MTCH1: variants seen among roughly 807,000 people sequenced by gnomAD.
The protein encoded by MTCH1 is mitochondrial carrier homolog 1.
Under a neutral mutation model 49.3 loss-of-function variants are expected in MTCH1, and 23 were observed. The observed-to-expected ratio is 0.47, with a 90% CI of 0.34 to 0.66. The LOEUF is 0.66. Among genes scored for constraint, MTCH1 ranks in the 30% least tolerant of loss-of-function variants. The probability of loss-of-function intolerance (pLI) is 0.01; values close to 1 mark genes in which losing one functional copy is unlikely to be tolerated. For missense variants in MTCH1, 397 were observed against 532.1 expected, an observed-to-expected ratio of 0.75 and a Z score of 2.50; for synonymous variants, 229 against 215.2, an observed-to-expected ratio of 1.06 and a Z score of -0.56.
chr6:36,968,259 G>T lies in MTCH1; in HGVS notation c.*644C>A. On this transcript the variant is annotated 3_prime_UTR_variant, in exon 12 of 12. Transcript: ENST00000373627. ...ACCTCTGGGTATTCACAACTGCACA[G>T]GTAACCAGATCCTGTACGCGAGGCA... 5.8e-6 allele frequency: 1 copy of T among 172,906 alleles called. No individual in the cohort carries two copies. Among genetic ancestry groups the T allele is most frequent in the Non-Finnish European group, 1.3e-5 (1 of 79,836 alleles). 10.7% of individuals were successfully genotyped at this position (172,906 alleles called of 1,614,324 possible). A position where few individuals can be genotyped will look rare whatever the true frequency, so the allele number is the denominator to read the frequency against.
In MTCH1 at chr6:36,974,886, A is replaced by ATG. The variant is rs1561906480; in HGVS notation, c.761+771_761+772insCA. ...ACCATGTGTCTACCACGTTTGTGACATACTTATCAGCATGTATGTCACTGC... is the reference window on the plus strand; with the variant it reads ...ACCATGTGTCTACCACGTTTGTGACATGTACTTATCAGCATGTATGTCACTGC... On this transcript the variant is annotated intron_variant, in intron 7 of 11. Transcript: ENST00000373627. Among the ~76,000 whole-genome samples, 20 of 152,344 alleles carry ATG rather than the reference A, an allele frequency of 1.3e-4. No individual in the cohort carries two copies. In the East Asian group the frequency reaches 2.3e-3, roughly 18 times the overall value.
Position 36,978,521 on chromosome 6 carries a change from C to G in MTCH1, c.497G>C (p.Arg166Pro). ...LMSNALSTVT[R>P]GSMKKVFPPD... ...TGGGCTCACCTTCTTCATGCTACCCCGAGTCACAGTAGAGAGGGCGTTGGA... is the reference window on the plus strand; with the variant it reads ...TGGGCTCACCTTCTTCATGCTACCCGGAGTCACAGTAGAGAGGGCGTTGGA... Residue 166 changes from arginine to proline, a missense_variant, in exon 3 of 12, where the codon CGG (arginine) becomes CCG (proline). This residue lies in a region of MTCH1 where 252 missense variants were observed against 388.3 expected (regional missense o/e 0.65). Coordinates refer to ENST00000373627, the MANE Select transcript of MTCH1 (RefSeq NM_001271641.2). 1 of 1,614,092 alleles carries G rather than the reference C, an allele frequency of 6.2e-7. No homozygotes were observed. Among genetic ancestry groups the G allele is most frequent in the Non-Finnish European group, 8.5e-7 (1 of 1,179,978 alleles).
At position 36,985,949 on chromosome 6, in the gene MTCH1, C is replaced by A; in HGVS notation, c.225G>T (p.Gly75=). ...GAGCCTCAGTGGTCGGGGCGTTGTC[C>A]CCAGACCCCAGGCCCCCTGACCCGC... ...MDGGSGGLGS[G]DNAPTTEALF... The change falls in exon 1 of 12, where the codon GGG becomes GGT. Residue 75 remains glycine, a synonymous_variant. Transcript: ENST00000373627. The A allele has an allele frequency of 1.3e-6, 2 of 1,551,244 alleles. No homozygotes were observed. The highest frequency in any genetic ancestry group is 1.7e-6 in the Non-Finnish European group (2 of 1,147,656).
At chr6:36,984,582 CCAATT>C (rs1407828688) in intron 1 of MTCH1, among the ~76,000 whole-genome samples, 1 of 152,076 alleles carries the variant, frequency 6.6e-6, no homozygotes, top group Non-Finnish European at 1.5e-5. Context: ...GGATGGGTCT[CCAATT>C]CAATTTTTAC....
chr6:36,975,606 T>G (rs1314464026), intron 7 of MTCH1, 52 bp downstream of exon 7: 1 of 1,564,268 alleles, frequency 6.4e-7, no homozygotes, highest in East Asian at 2.2e-5. Context: ...AGGACACACC[T>G]GTTAGCAGAG....
rs527728035 is a variant in MTCH1 at position 36,982,392 on chromosome 6, T to A, written c.322-720A>T. 1.9e-4 allele frequency among the ~76,000 whole-genome samples: 29 copies of A among 151,714 alleles called. No homozygotes were observed. The South Asian group carries it at 2.5e-3, about 13-fold the overall frequency. On this transcript the variant is annotated intron_variant, in intron 1 of 11. Transcript: ENST00000373627. This position sits in a 1 kb window ranked among gnomAD's most constrained non-coding sequence, Gnocchi z 4.1. ...GAAATATTTATTTATTTATTTTTTTTTTTGAGATGGAGTTTCACTCTTGTT... is the reference window on the plus strand; with the variant it reads ...GAAATATTTATTTATTTATTTTTTTATTTGAGATGGAGTTTCACTCTTGTT...
chr6:36,978,377 TG>T, intron 3 of MTCH1, 127 bp downstream of exon 3: 1 of 985,588 alleles, frequency 1.0e-6, no homozygotes, highest in Non-Finnish European at 1.5e-6. Flanking sequence ...AGCTCCCCCA[TG>T]GGGCTGGAGT....
upstream of MTCH1, among the ~76,000 whole-genome samples, chr6:36,986,486 C>T (rs1257467638): frequency 6.6e-6 from 1 of 152,152 alleles, no homozygotes; most frequent in African/African-American, 2.4e-5. Flanking sequence ...CTCTGGCTGC[C>T]AGACGTCCCC....
intron 10 of MTCH1, 81 bp from the exon 11 acceptor site, chr6:36,970,195 T>C: frequency 1.3e-6 from 2 of 1,514,310 alleles, no homozygotes; most frequent in Non-Finnish European, 1.8e-6. Flanking sequence ...AAGGAATGCC[T>C]TCAGGCTACC....
At chr6:36,975,012 T>A (rs1386300307) in intron 7 of MTCH1, among the ~76,000 whole-genome samples, 1 of 152,198 alleles carries the variant, frequency 6.6e-6, no homozygotes, top group East Asian at 1.9e-4. Context: ...GTGCTTTCTT[T>A]AGAGGTGAAG....
intron 6 of MTCH1, among the ~76,000 whole-genome samples, chr6:36,976,825 C>A (rs538896772): frequency 6.6e-6 from 1 of 152,180 alleles, no homozygotes; most frequent in Non-Finnish European, 1.5e-5. Context: ...ATAAAAAGAG[C>A]TATCAGCCTA....
intron 1 of MTCH1, among the ~76,000 whole-genome samples, chr6:36,981,878 G>A (rs2150752853): frequency 6.6e-6 from 1 of 152,266 alleles, no homozygotes; most frequent in South Asian, 2.1e-4. Context: ...CCAATCAACA[G>A]AAATGCCTGG....
chr6:36,969,081 C>T, intron 11 of MTCH1, 107 bp from the exon 12 acceptor site: 1 of 1,499,908 alleles, frequency 6.7e-7, no homozygotes. Flanking sequence ...GCTCAAAGAC[C>T]CAGCTCCGGG....
At chr6:36,976,453 G>A (rs767835916) in intron 6 of MTCH1, 4 of 460,932 alleles carry the variant, frequency 8.7e-6, no homozygotes, top group South Asian at 1.6e-5. Flanking sequence ...CCACCACTCA[G>A]AACAGTGGTG....
At chr6:36,974,271 G>A (rs905654394) in intron 7 of MTCH1, among the ~76,000 whole-genome samples, 1 of 152,054 alleles carries the variant, frequency 6.6e-6, no homozygotes, top group Admixed American at 6.5e-5. Flanking sequence ...TGCAATCATA[G>A]CTCACTGCAG....
chr6:36,969,955 T>A (rs1305555616), intron 11 of MTCH1, 84 bp downstream of exon 11: 6 of 1,571,474 alleles, frequency 3.8e-6, no homozygotes, highest in Non-Finnish European at 5.2e-6. Context: ...TATCTTTGCA[T>A]GCAATGAAGC....
At position 36,970,488 on chromosome 6, in the gene MTCH1, G is replaced by T; in HGVS notation, c.955-15C>A. On this transcript the variant is annotated splice_polypyrimidine_tract_variant and intron_variant, in intron 9 of 11. Transcript: ENST00000373627. ...CTCACTGCAATCTGAAACCCAGAGA[G>T]GCCTGAGTGCCAGTGACCCACCCCG... is the stretch of plus-strand genomic sequence containing the variant. 1 of 1,614,128 alleles carries T rather than the reference G, an allele frequency of 6.2e-7. No individual in the cohort carries two copies. The highest frequency in any genetic ancestry group is 8.5e-7 in the Non-Finnish European group (1 of 1,180,000).
chr6:36,969,658 C>T (rs2150743926), intron 11 of MTCH1: 1 of 1,195,804 alleles, frequency 8.4e-7, no homozygotes, highest in African/African-American at 1.6e-5. Flanking sequence ...CCCTAACAAC[C>T]CAGGAACTCA....
At chr6:36,979,499 C>T (rs1288847981) in intron 2 of MTCH1, among the ~76,000 whole-genome samples, 1 of 152,202 alleles carries the variant, frequency 6.6e-6, no homozygotes, top group Non-Finnish European at 1.5e-5. Context: ...TCTCTGGCAC[C>T]GCGCAGAGGC....
Sources: allele counts gnomAD v4.1 joint callset (sites outside exome capture counted in the v4.1 genomes callset), GRCh38; gene constraint gnomAD v4.1.1; regional missense constraint gnomAD v4.1.1; non-coding constraint Gnocchi (gnomAD v3.1); transcripts MANE v1.5; gene names NCBI Gene and HGNC (gene_info 2026-07-23, HGNC 2026-07-21).